Variants in URM1 observed in about 807,000 individuals in gnomAD.
URM1 encodes ubiquitin-related modifier 1.
In URM1, 11 loss-of-function variants were observed where a neutral mutation model predicts 17.7. That is an observed-to-expected ratio of 0.62 (90% CI 0.39 to 1.03). The LOEUF is 1.03. Among genes scored for constraint, URM1 ranks in the 50% least tolerant of loss-of-function variants. The probability of loss-of-function intolerance (pLI) is 0.00; values close to 1 mark genes in which losing one functional copy is unlikely to be tolerated. For missense variants in URM1, 128 were observed against 129.2 expected (o/e 0.99, Z 0.04); for synonymous variants, 48 against 50.6 (o/e 0.95, Z 0.22).
chr9:128,384,544 G>T (rs904437870), intron 2 of URM1, among the ~76,000 whole-genome samples: 2 of 152,126 alleles, frequency 1.3e-5, no homozygotes, highest in Non-Finnish European at 2.9e-5. Context: ...AACCCCAGCC[G>T]GTCCCAGCAC....
chr9:128,388,006 C>T, intron 3 of URM1, 109 bp downstream of exon 3: 2 of 1,499,432 alleles, frequency 1.3e-6, no homozygotes, highest in Non-Finnish European at 1.8e-6. Flanking sequence ...TCTCCCCTTC[C>T]TCCTCCCTAA....
chr9:128,385,471 CGGGATCCCAGGA>C (rs1833213991), intron 2 of URM1, among the ~76,000 whole-genome samples: 1 of 152,076 alleles, frequency 6.6e-6, no homozygotes, highest in South Asian at 2.1e-4. Flanking sequence ...CATGATCACA[CGGGATCCCAGGA>C]GGGAGACCGC....
chr9:128,389,511 T>C, intron 4 of URM1, 155 bp from the exon 5 acceptor site: 1 of 1,549,058 alleles, frequency 6.5e-7, no homozygotes, highest in Non-Finnish European at 8.7e-7. Context: ...TCCTCCATCC[T>C]GAAGATTTGC....
At chr9:128,385,253 A>G (rs1218370680) in intron 2 of URM1, among the ~76,000 whole-genome samples, 2 of 152,000 alleles carry the variant, frequency 1.3e-5, no homozygotes, top group African/African-American at 4.8e-5. Context: ...CATCCTTCAG[A>G]CCCGAGCTTC....
intron 2 of URM1, among the ~76,000 whole-genome samples, chr9:128,378,484 A>G (rs950087955): frequency 3.7e-5 from 5 of 134,270 alleles, no homozygotes; most frequent in African/African-American, 1.4e-4. Context: ...CGGAGGTTGC[A>G]GTGAGCCGAG....
chr9:128,379,892 T>C (rs761810983), intron 2 of URM1, among the ~76,000 whole-genome samples: 8 of 152,136 alleles, frequency 5.3e-5, no homozygotes, highest in Non-Finnish European at 1.0e-4. Flanking sequence ...GTAGGAGGAT[T>C]ACCTGAGCCC....
intron 2 of URM1, among the ~76,000 whole-genome samples, chr9:128,378,974 A>G (rs1025502185): frequency 2.0e-5 from 3 of 150,226 alleles, no homozygotes; most frequent in African/African-American, 7.4e-5. Context: ...AAAAGAATGA[A>G]CTTGCAGATC....
At chr9:128,371,329 G>C (rs1833008392), upstream of URM1, 14 of 1,578,910 alleles carry the variant, frequency 8.9e-6, no homozygotes, top group Non-Finnish European at 1.1e-5. Flanking sequence ...CCGGAAATTT[G>C]CGGGCGCGCC....
chr9:128,389,766 G>T lies in URM1; in HGVS notation c.*32G>T. The T allele has an allele frequency of 6.2e-7, 1 of 1,613,010 alleles. No individual in the cohort carries two copies. Among genetic ancestry groups the T allele is most frequent in the Non-Finnish European group, 8.5e-7 (1 of 1,179,790 alleles). On this transcript the variant is annotated 3_prime_UTR_variant, in exon 5 of 5. Transcript: ENST00000372853. ...TTCTCTGGGCCTGGGCACCCTTAGA[G>T]GGGAGAACGAAGCAATCAGACATCC... is the stretch of plus-strand genomic sequence containing the variant.
Position 128,371,379 on chromosome 9 carries a change from A to G in URM1, c.-2A>G, listed in dbSNP as rs145459751. On this transcript the variant is annotated 5_prime_UTR_variant, in exon 1 of 5. Coordinates refer to ENST00000372853, the MANE Select transcript of URM1 (RefSeq NM_030914.4). ...GTTTCCTGCGAGCTCGGCTTCCTCAACATGGCTGCGCCCTTGTCAGTGGAG... is the reference window on the plus strand; with the variant it reads ...GTTTCCTGCGAGCTCGGCTTCCTCAGCATGGCTGCGCCCTTGTCAGTGGAG... 8 of 1,613,128 alleles carry G rather than the reference A, an allele frequency of 5.0e-6. No individual in the cohort carries two copies. Among genetic ancestry groups the G allele is most frequent in the Middle Eastern group, 1.7e-4 (1 of 6,054 alleles).
chr9:128,389,115 C>T, intron 3 of URM1, 146 bp from the exon 4 acceptor site: 1 of 1,458,588 alleles, frequency 6.9e-7, no homozygotes, highest in Non-Finnish European at 9.0e-7. Context: ...AGACCAGCCT[C>T]CCCTTCCTGG....
Position 128,387,975 on chromosome 9 carries a change from C to T in URM1, c.188+78C>T. 6.4e-7 allele frequency: 1 copy of T among 1,570,842 alleles called. No homozygotes were observed. The highest frequency in any genetic ancestry group is 1.3e-5 in the African/African-American group (1 of 74,114). ...TGAGCCCCCACCCTCGGGTTCAGTCCTGGCCTTCTCTGAATCCGGTTCTCC... is the reference window on the plus strand; with the variant it reads ...TGAGCCCCCACCCTCGGGTTCAGTCTTGGCCTTCTCTGAATCCGGTTCTCC... On this transcript the variant is annotated intron_variant, in intron 3 of 4. Coordinates refer to ENST00000372853, the MANE Select transcript of URM1 (RefSeq NM_030914.4). This position sits in a 1 kb window ranked among gnomAD's most constrained non-coding sequence, Gnocchi z 4.3.
Position 128,389,969 on chromosome 9 carries a change from C to G in URM1, c.*235C>G, listed in dbSNP as rs1242119089. On this transcript the variant is annotated 3_prime_UTR_variant, in exon 5 of 5. Transcript: ENST00000372853. ...AGCCCAGCACTCCCTTTTCCAGCAG[C>G]TGTGGTGGGGGAGGGTTCCCCTCCA... The G allele has an allele frequency of 5.2e-6, 3 of 582,016 alleles. No homozygotes were observed. Among genetic ancestry groups the G allele is most frequent in the Non-Finnish European group, 8.9e-6 (3 of 335,888 alleles). The allele number at this position is 582,016 out of a possible 1,614,324, so 36.1% of individuals were successfully genotyped here.
In URM1 at chr9:128,387,513, A is replaced by T. The variant is rs1025843230; in HGVS notation, c.107-303A>T. ...AGGGGCCTGTCTCCTAACCCTTTAGATGCGACAGTCCTCCCGCCGTCTGCC... is the reference window on the plus strand; with the variant it reads ...AGGGGCCTGTCTCCTAACCCTTTAGTTGCGACAGTCCTCCCGCCGTCTGCC... On this transcript the variant is annotated intron_variant, in intron 2 of 4. Coordinates refer to ENST00000372853, the MANE Select transcript of URM1 (RefSeq NM_030914.4). The surrounding 1 kb of genome is among the most constrained non-coding windows in gnomAD (Gnocchi z 4.3). 5.9e-5 allele frequency among the ~76,000 whole-genome samples: 9 copies of T among 152,088 alleles called. No homozygotes were observed. The highest frequency in any genetic ancestry group is 4.4e-5 in the Non-Finnish European group (3 of 68,018).
intron 1 of URM1, among the ~76,000 whole-genome samples, chr9:128,376,850 A>G (rs984336549): frequency 1.3e-5 from 2 of 151,960 alleles, no homozygotes; most frequent in African/African-American, 4.8e-5. Flanking sequence ...GCTGAGTGTG[A>G]TGCCATGCAC....
At chr9:128,380,498 G>A (rs748536947) in intron 2 of URM1, among the ~76,000 whole-genome samples, 2 of 152,116 alleles carry the variant, frequency 1.3e-5, no homozygotes, top group Non-Finnish European at 2.9e-5. Flanking sequence ...GAGGGCACAT[G>A]GTGCTCTCAG....
At chr9:128,379,086 G>A (rs1369340829) in intron 2 of URM1, among the ~76,000 whole-genome samples, 1 of 152,190 alleles carries the variant, frequency 6.6e-6, no homozygotes, top group African/African-American at 2.4e-5. Context: ...CTCAGGGATG[G>A]GATTCCAGTC....
At chr9:128,377,909 T>G in intron 1 of URM1, 127 bp from the exon 2 acceptor site, 1 of 891,546 alleles carries the variant, frequency 1.1e-6, no homozygotes, top group Non-Finnish European at 1.8e-6. Flanking sequence ...CCAAGGTGTT[T>G]CTGCACCTTA....
intron 2 of URM1, among the ~76,000 whole-genome samples, chr9:128,383,856 C>T (rs1833192346): frequency 6.6e-6 from 1 of 152,152 alleles, no homozygotes. Flanking sequence ...ACAAGTCCAC[C>T]GGGGCGAGGG....
Sources: gnomAD v4.1 joint callset for allele counts (sites outside exome capture counted in the v4.1 genomes callset) on GRCh38, gnomAD v4.1.1 for gene constraint, Gnocchi (gnomAD v3.1) non-coding constraint, MANE v1.5 for transcripts, NCBI Gene and HGNC (gene_info 2026-07-23, HGNC 2026-07-21) for gene names.